The following DOK5 variants were observed in gnomAD, a reference collection of about 807,000 sequenced individuals.
The protein encoded by DOK5 is downstream of tyrosine kinase 5.
A neutral mutation model predicts 43.3 loss-of-function variants in DOK5; 27 were observed. The ratio of observed to expected loss-of-function variants is 0.62; its 90% CI spans 0.46 to 0.86. DOK5 has a LOEUF of 0.86. Among genes scored for constraint, DOK5 ranks in the 40% least tolerant of loss-of-function variants. The probability of loss-of-function intolerance (pLI) is 0.00; values close to 1 mark genes in which losing one functional copy is unlikely to be tolerated. For missense variants in DOK5, 373 were observed against 392.9 expected (o/e 0.95, Z 0.43); for synonymous variants, 146 against 140.1 (o/e 1.04, Z -0.30).
At chr20:54,633,998 T>A (rs1404124141) in intron 6 of DOK5, among the ~76,000 whole-genome samples, 2 of 152,228 alleles carry the variant, frequency 1.3e-5, no homozygotes, top group Non-Finnish European at 2.9e-5. Flanking sequence ...GGCTAAGACC[T>A]GCCACTGCTC....
At chr20:54,512,138 T>C (rs534384545) in intron 1 of DOK5, among the ~76,000 whole-genome samples, 52 of 152,338 alleles carry the variant, frequency 3.4e-4, no homozygotes, top group Non-Finnish European at 6.5e-4. Context: ...TCCACTAGAC[T>C]ACTGAATACA....
At chr20:54,581,222 C>T (rs1985627957) in intron 2 of DOK5, among the ~76,000 whole-genome samples, 1 of 151,890 alleles carries the variant, frequency 6.6e-6, no homozygotes, top group Admixed American at 6.6e-5. Flanking sequence ...TCTTTCTGTT[C>T]CATGTGTCTG....
chr20:54,594,887 C>G (rs6014076), intron 5 of DOK5, among the ~76,000 whole-genome samples: 3 of 151,942 alleles, frequency 2.0e-5, no homozygotes, highest in Non-Finnish European at 4.4e-5. Context: ...TGAAATCTAA[C>G]GGAACTGCTA....
At chr20:54,563,876 T>C (rs1342643091) in intron 2 of DOK5, among the ~76,000 whole-genome samples, 2 of 152,132 alleles carry the variant, frequency 1.3e-5, no homozygotes, top group African/African-American at 2.4e-5. Context: ...GCCTGAAAGC[T>C]GCCTTTAAAA....
intron 1 of DOK5, among the ~76,000 whole-genome samples, chr20:54,481,909 C>T (rs539979298): frequency 1.2e-3 from 178 of 152,334 alleles, no homozygotes; most frequent in African/African-American, 2.8e-3. Context: ...CAGTGCTTGA[C>T]ACAGTAAAAA....
chr20:54,514,299 A>T (rs1171963009), intron 1 of DOK5, among the ~76,000 whole-genome samples: 2 of 152,204 alleles, frequency 1.3e-5, no homozygotes, highest in Admixed American at 1.3e-4. Context: ...CACTATATGT[A>T]CTAAGCGTGA....
At chr20:54,628,098 C>T (rs919053681) in intron 6 of DOK5, among the ~76,000 whole-genome samples, 2 of 152,160 alleles carry the variant, frequency 1.3e-5, no homozygotes, top group Non-Finnish European at 2.9e-5. Context: ...TTCATCACAT[C>T]GGCGCTAGCC....
intron 1 of DOK5, among the ~76,000 whole-genome samples, chr20:54,492,923 C>T (rs1473271190): frequency 1.3e-5 from 2 of 151,590 alleles, no homozygotes; most frequent in Non-Finnish European, 2.9e-5. Context: ...GGAGTGGTGG[C>T]GGGCGCCTGT....
intron 6 of DOK5, among the ~76,000 whole-genome samples, chr20:54,640,465 C>T (rs527501690): frequency 1.3e-3 from 203 of 152,304 alleles, no homozygotes; most frequent in Admixed American, 3.1e-3. Context: ...TGACTTCCTG[C>T]GTCTTTTCTC....
intron 4 of DOK5, among the ~76,000 whole-genome samples, chr20:54,591,023 G>A (rs1177048063): frequency 6.6e-6 from 1 of 152,196 alleles, no homozygotes; most frequent in African/African-American, 2.4e-5. Flanking sequence ...CCACTATTTG[G>A]CTAAAGGAAG....
At chr20:54,565,665 G>T (rs1222915184) in intron 2 of DOK5, among the ~76,000 whole-genome samples, 1 of 152,084 alleles carries the variant, frequency 6.6e-6, no homozygotes, top group African/African-American at 2.4e-5. Context: ...TATACCTTAA[G>T]CTCCAAGAAA....
chr20:54,644,674 C>T (rs1979291118), intron 7 of DOK5, among the ~76,000 whole-genome samples: 1 of 146,166 alleles, frequency 6.8e-6, no homozygotes, highest in African/African-American at 2.6e-5. Context: ...CCACTGCACT[C>T]CAGCCTGGGT....
chr20:54,601,972 C>T (rs1025966788), intron 5 of DOK5, among the ~76,000 whole-genome samples: 3 of 152,172 alleles, frequency 2.0e-5, no homozygotes, highest in African/African-American at 4.8e-5. Flanking sequence ...TGAGCCTCCA[C>T]ATCACTCTTT....
intron 6 of DOK5, among the ~76,000 whole-genome samples, chr20:54,633,294 A>C (rs1467928586): frequency 6.6e-6 from 1 of 152,166 alleles, no homozygotes; most frequent in East Asian, 1.9e-4. Flanking sequence ...GCAGAACCCA[A>C]AGATATTGTT....
chr20:54,512,582 G>T (rs534447932), intron 1 of DOK5, among the ~76,000 whole-genome samples: 1 of 152,158 alleles, frequency 6.6e-6, no homozygotes, highest in Non-Finnish European at 1.5e-5. Flanking sequence ...GACAGTGAGG[G>T]TGATAAAACA....
At chr20:54,615,941 C>T (rs553788487) in intron 6 of DOK5, among the ~76,000 whole-genome samples, 2 of 151,990 alleles carry the variant, frequency 1.3e-5, no homozygotes, top group South Asian at 4.2e-4. Context: ...CCCAGAACCT[C>T]CAGAAGGAGC....
At position 54,509,956 on chromosome 20, in the gene DOK5, G is replaced by T. The variant is rs956492573; in HGVS notation, c.66+33944G>T. Among the ~76,000 whole-genome samples, 7 of 151,716 alleles carry T rather than the reference G, an allele frequency of 4.6e-5. No homozygotes were observed. In the South Asian group the frequency reaches 1.0e-3, roughly 23 times the overall value. ...CATATGCTTTTAAAAATACTGGGGT[G>T]GGGGGATGGGGGGAGGGAGAGCATT... On this transcript the variant is annotated intron_variant, in intron 1 of 7. Coordinates refer to ENST00000262593, the MANE Select transcript of DOK5 (RefSeq NM_018431.5).
At chr20:54,575,140 T>C (rs1422976423) in intron 2 of DOK5, among the ~76,000 whole-genome samples, 2 of 152,206 alleles carry the variant, frequency 1.3e-5, no homozygotes, top group Non-Finnish European at 2.9e-5. Flanking sequence ...CAGACAGATC[T>C]AGAACACGGA....
intron 1 of DOK5, among the ~76,000 whole-genome samples, chr20:54,478,117 A>C (rs564111208): frequency 6.6e-6 from 1 of 152,288 alleles, no homozygotes; most frequent in East Asian, 1.9e-4. Flanking sequence ...TCATGGAGAG[A>C]AAAGGTCAAA....
Sources: gnomAD v4.1 joint callset for allele counts (sites outside exome capture counted in the v4.1 genomes callset) on GRCh38, gnomAD v4.1.1 for gene constraint, MANE v1.5 for transcripts, NCBI Gene and HGNC (gene_info 2026-07-23, HGNC 2026-07-21) for gene names.